Variants in SH2D4B observed in about 807,000 individuals in gnomAD.
The protein encoded by SH2D4B is SH2 domain containing 4B.
A neutral mutation model predicts 61.5 loss-of-function variants in SH2D4B; 45 were observed. The ratio of observed to expected loss-of-function variants is 0.73; its 90% CI spans 0.58 to 0.94. SH2D4B has a LOEUF of 0.94. Ranked by LOEUF, SH2D4B falls within the 40% of genes least tolerant of loss-of-function variation. The pLI is 0.00. For synonymous variants in SH2D4B, 224 were observed against 220.4 expected (o/e 1.02, Z -0.14); for missense variants, 572 against 574.2 (o/e 1.00, Z 0.04).
intron 4 of SH2D4B, among the ~76,000 whole-genome samples, chr10:80,593,947 C>G (rs1842359965): frequency 6.6e-6 from 1 of 152,108 alleles, no homozygotes; most frequent in South Asian, 2.1e-4. Flanking sequence ...GTAGTTGGGA[C>G]TACAGATGCA....
At chr10:80,603,891 CTGTGTAGTTTGG>C in intron 5 of SH2D4B, 96 bp downstream of exon 5, 1 of 1,152,080 alleles carries the variant, frequency 8.7e-7, no homozygotes, top group Non-Finnish European at 1.2e-6. Context: ...CCCAGATTTG[CTGTGTAGTTTGG>C]GGCTAGCATT....
rs1365650974 is a variant in SH2D4B, at chr10:80,599,879, C to T, written c.644-3700C>T. Among the ~76,000 whole-genome samples, 4 of 152,170 alleles carry T rather than the reference C, an allele frequency of 2.6e-5. 1 individual carries two copies. The South Asian group carries it at 6.2e-4, about 24-fold the overall frequency. On this transcript the variant is annotated intron_variant, in intron 4 of 7. Coordinates refer to ENST00000646907, the MANE Select transcript of SH2D4B (RefSeq NM_001388272.1). ...CTAGGGGTCAGAGGCTTTTCCTGCT[C>T]ACACTTGTTTTTTCCATTCTCTGAC...
At chr10:80,543,799 A>T (rs1490985240) in intron 1 of SH2D4B, among the ~76,000 whole-genome samples, 1 of 152,068 alleles carries the variant, frequency 6.6e-6, no homozygotes, top group Non-Finnish European at 1.5e-5. Flanking sequence ...TGTCTAGCTC[A>T]GGGTTTGTGA....
intron 6 of SH2D4B, 58 bp from the exon 7 acceptor site, chr10:80,634,227 T>TG: frequency 1.4e-6 from 2 of 1,470,640 alleles, no homozygotes; most frequent in Non-Finnish European, 1.8e-6. Flanking sequence ...TGGAGAATCG[T>TG]GGGGGAGGCA....
chr10:80,592,977 C>A (rs2132133134), intron 4 of SH2D4B, among the ~76,000 whole-genome samples: 1 of 152,208 alleles, frequency 6.6e-6, no homozygotes, highest in Non-Finnish European at 1.5e-5. Flanking sequence ...CTTTGGCCTC[C>A]CTAAGTGCTG....
chr10:80,546,523 G>T (rs921450893), intron 1 of SH2D4B, among the ~76,000 whole-genome samples: 1 of 131,892 alleles, frequency 7.6e-6, no homozygotes, highest in African/African-American at 3.3e-5. Context: ...AATAGCATAC[G>T]GTATTTTTTT....
At chr10:80,598,591 T>C (rs1041000372) in intron 4 of SH2D4B, among the ~76,000 whole-genome samples, 2 of 152,174 alleles carry the variant, frequency 1.3e-5, no homozygotes, top group Admixed American at 6.5e-5. Context: ...CATTAATCTA[T>C]GGGGGAGCAG....
intron 1 of SH2D4B, among the ~76,000 whole-genome samples, chr10:80,547,497 C>G (rs757796902): frequency 7.9e-5 from 12 of 151,586 alleles, no homozygotes; most frequent in Non-Finnish European, 1.8e-4. Flanking sequence ...GACCATAGCT[C>G]TTTGTAGCTG....
chr10:80,567,078 T>C (rs1051289619), intron 1 of SH2D4B, among the ~76,000 whole-genome samples: 1 of 152,238 alleles, frequency 6.6e-6, no homozygotes, highest in African/African-American at 2.4e-5. Context: ...TTCTTCTGTG[T>C]GGCTTGCTTT....
chr10:80,600,270 C>T (rs1457580089), intron 4 of SH2D4B, among the ~76,000 whole-genome samples: 1 of 152,196 alleles, frequency 6.6e-6, no homozygotes, highest in African/African-American at 2.4e-5. Context: ...CATTAATTTT[C>T]AGGGACATTG....
At chr10:80,576,178 T>G (rs895703856) in intron 3 of SH2D4B, among the ~76,000 whole-genome samples, 1 of 152,080 alleles carries the variant, frequency 6.6e-6, no homozygotes, top group African/African-American at 2.4e-5. Context: ...AGAACCTCAG[T>G]GATAGAGTGG....
At chr10:80,565,730 C>G (rs926737730) in intron 1 of SH2D4B, among the ~76,000 whole-genome samples, 2 of 152,114 alleles carry the variant, frequency 1.3e-5, no homozygotes, top group Non-Finnish European at 2.9e-5. Flanking sequence ...CTCATGGTTG[C>G]AAAAGTTTTC....
chr10:80,538,188 A>G lies in SH2D4B; in HGVS notation c.-144A>G. On this transcript the variant is annotated 5_prime_UTR_variant, in exon 1 of 8. Coordinates refer to ENST00000646907, the MANE Select transcript of SH2D4B (RefSeq NM_001388272.1). This position sits in a 1 kb window ranked among gnomAD's most constrained non-coding sequence, Gnocchi z 4.8. ...TCGTCGCTGGCTGCAAGCTGAGGCC[A>G]ACTGACAATGCTGCACAGAGAAGGG... The G allele has an allele frequency of 1.6e-6, 1 of 636,848 alleles. No individual in the cohort carries two copies. Among genetic ancestry groups the G allele is most frequent in the South Asian group, 7.9e-5 (1 of 12,652 alleles). The allele number at this position is 636,848 out of a possible 1,614,324, so 39.4% of individuals were successfully genotyped here. A position where few individuals can be genotyped will look rare whatever the true frequency, so the allele number is the denominator to read the frequency against.
At chr10:80,629,241 A>G (rs1564529739) in intron 6 of SH2D4B, among the ~76,000 whole-genome samples, 1 of 151,832 alleles carries the variant, frequency 6.6e-6, no homozygotes, top group Non-Finnish European at 1.5e-5. Context: ...AGGGGATGCA[A>G]GAGAGAGAGA....
chr10:80,572,984 A>ATT (rs1283153702), intron 3 of SH2D4B, among the ~76,000 whole-genome samples: 2 of 8,294 alleles, frequency 2.4e-4, no homozygotes, highest in East Asian at 6.3e-3. Context: ...ATATATATAT[A>ATT]TATTTTTTTT....
chr10:80,577,319 A>C (rs944557904), intron 3 of SH2D4B, among the ~76,000 whole-genome samples: 1 of 152,188 alleles, frequency 6.6e-6, no homozygotes, highest in Non-Finnish European at 1.5e-5. Context: ...ATTGACCTCA[A>C]TTGATACCAA....
At chr10:80,572,107 C>A (rs1390009312) in intron 3 of SH2D4B, among the ~76,000 whole-genome samples, 3 of 152,056 alleles carry the variant, frequency 2.0e-5, no homozygotes, top group African/African-American at 7.2e-5. Flanking sequence ...GATGAGGAAA[C>A]TGAGGGTGAG....
chr10:80,633,500 G>A lies in SH2D4B; in HGVS notation c.989-785G>A, dbSNP rs549573201. On this transcript the variant is annotated intron_variant, in intron 6 of 7. Coordinates refer to ENST00000646907, the MANE Select transcript of SH2D4B (RefSeq NM_001388272.1). ...CAGGTTGGCAGAGGTCGGGGGTGGG[G>A]GTAATCCAGGTCTTCTGGCTTCCCC... Among the ~76,000 whole-genome samples the A allele has an allele frequency of 1.1e-4, 17 of 152,208 alleles. No homozygotes were observed. The South Asian group carries it at 3.5e-3, about 32-fold the overall frequency.
intron 7 of SH2D4B, among the ~76,000 whole-genome samples, chr10:80,640,461 A>AT (rs1840271435): frequency 6.6e-6 from 1 of 152,078 alleles, no homozygotes; most frequent in East Asian, 1.9e-4. Flanking sequence ...ACATAATCCC[A>AT]TATTTCTTGG....
Sources: allele counts gnomAD v4.1 joint callset (sites outside exome capture counted in the v4.1 genomes callset), GRCh38; gene constraint gnomAD v4.1.1; non-coding constraint Gnocchi (gnomAD v3.1); transcripts MANE v1.5; gene names NCBI Gene and HGNC (gene_info 2026-07-23, HGNC 2026-07-21).